PCGF6: variants seen among roughly 807,000 people sequenced by gnomAD.
PCGF6 encodes the protein polycomb group RING finger protein 6.
Under a neutral mutation model 45.5 loss-of-function variants are expected in PCGF6, and 24 were observed. The observed-to-expected ratio is 0.53, with a 90% CI of 0.38 to 0.74. The LOEUF (loss-of-function observed/expected upper bound fraction) is 0.74, where lower values mean the gene tolerates loss of function less well. PCGF6 is among the 30% of genes least tolerant of loss of function. The pLI is 0.00. For synonymous variants in PCGF6, 152 were observed against 162.1 expected (o/e 0.94, Z 0.47); for missense variants, 356 against 443.2 (o/e 0.80, Z 1.77).
intron 9 of PCGF6, among the ~76,000 whole-genome samples, 164 bp from the exon 10 acceptor site, chr10:103,304,125 C>T (rs1477332039): frequency 6.7e-6 from 1 of 148,326 alleles, no homozygotes; most frequent in African/African-American, 2.5e-5. Flanking sequence ...TCACCAAACA[C>T]TCCTTGTGAA....
intron 8 of PCGF6, among the ~76,000 whole-genome samples, chr10:103,317,179 T>G (rs1459715308): frequency 6.6e-6 from 1 of 151,992 alleles, no homozygotes; most frequent in Non-Finnish European, 1.5e-5. Context: ...CTCGGCTAAT[T>G]TTTGTATTTT....
intron 8 of PCGF6, among the ~76,000 whole-genome samples, chr10:103,319,887 C>A (rs896348391): frequency 2.0e-5 from 3 of 152,102 alleles, no homozygotes; most frequent in Non-Finnish European, 4.4e-5. Context: ...CTCACCGCAA[C>A]CTCCACCTCC....
chr10:103,303,327 A>G lies in PCGF6; in HGVS notation c.*578T>C, dbSNP rs1248574492. 6.6e-6 allele frequency: 1 copy of G among 152,356 alleles called. No homozygotes were observed. Among genetic ancestry groups the G allele is most frequent in the Non-Finnish European group, 1.5e-5 (1 of 68,102 alleles). 9.4% of individuals were successfully genotyped at this position (152,356 alleles called of 1,614,324 possible). ...TAAACTCAGAGTCTCTTCACACATA[A>G]TAACAATTCATCCATTTTGAAATGA... On this transcript the variant is annotated 3_prime_UTR_variant, in exon 10 of 10. Transcript: ENST00000369847.
chr10:103,303,439 T>C lies in PCGF6; in HGVS notation c.*466A>G, dbSNP rs1592050187. 1 of 153,348 alleles carries C rather than the reference T, an allele frequency of 6.5e-6. No homozygotes were observed. Among genetic ancestry groups the C allele is most frequent in the Non-Finnish European group, 1.5e-5 (1 of 68,832 alleles). The allele number at this position is 153,348 out of a possible 1,614,324, so 9.5% of individuals were successfully genotyped here. The stretch of plus-strand genomic sequence containing the variant: ...AACATACAAAAGTGGCCAATAGTTT[T>C]GGTCTTTGAGAGTACACCCTGCAGT... On this transcript the variant is annotated 3_prime_UTR_variant, in exon 10 of 10. Coordinates refer to ENST00000369847, the MANE Select transcript of PCGF6 (RefSeq NM_001011663.2).
intron 6 of PCGF6, among the ~76,000 whole-genome samples, 168 bp downstream of exon 6, chr10:103,344,856 C>T (rs972460237): frequency 2.6e-5 from 4 of 152,184 alleles, no homozygotes; most frequent in African/African-American, 9.6e-5. Context: ...AGGCGTGAGC[C>T]ACTGCACCCG....
At chr10:103,321,358 AT>A (rs2093196667) in intron 8 of PCGF6, among the ~76,000 whole-genome samples, 1 of 152,154 alleles carries the variant, frequency 6.6e-6, no homozygotes, top group Admixed American at 6.6e-5. Flanking sequence ...AGAAACCCAC[AT>A]TTTTAGGTAA....
intron 8 of PCGF6, among the ~76,000 whole-genome samples, chr10:103,322,878 C>T: frequency 9.4e-6 from 1 of 106,106 alleles, no homozygotes; most frequent in South Asian, 3.4e-4. Context: ...TCCTTGCCAC[C>T]AAAAAAAAAA....
intron 9 of PCGF6, among the ~76,000 whole-genome samples, chr10:103,310,505 A>G (rs1318251544): frequency 3.3e-5 from 5 of 152,158 alleles, no homozygotes; most frequent in African/African-American, 1.2e-4. Flanking sequence ...TTATGCACAT[A>G]TAACTATGCA....
chr10:103,336,882 C>CA (rs985791562), intron 6 of PCGF6, among the ~76,000 whole-genome samples: 6 of 151,430 alleles, frequency 4.0e-5, no homozygotes, highest in South Asian at 2.1e-4. Context: ...CTCAAAAAAG[C>CA]AAAAAAAATT....
At chr10:103,325,852 TAAAA>T (rs34739627) in intron 8 of PCGF6, among the ~76,000 whole-genome samples, 14 of 135,196 alleles carry the variant, frequency 1.0e-4, no homozygotes, top group Admixed American at 1.5e-4. Context: ...CCGCATCTCT[TAAAA>T]AAAAAAAAAA....
intron 8 of PCGF6, among the ~76,000 whole-genome samples, chr10:103,320,490 C>T (rs969305174): frequency 6.6e-6 from 1 of 152,094 alleles, no homozygotes; most frequent in African/African-American, 2.4e-5. Context: ...AGTTCAAGAC[C>T]AGCCTGGCCA....
intron 7 of PCGF6, among the ~76,000 whole-genome samples, chr10:103,328,209 T>C (rs569323429): frequency 6.6e-6 from 1 of 152,106 alleles, no homozygotes; most frequent in Non-Finnish European, 1.5e-5. Flanking sequence ...AAGCACAAAG[T>C]GTTTTTTTAG....
intron 5 of PCGF6, among the ~76,000 whole-genome samples, chr10:103,346,901 T>C (rs2093301813): frequency 6.6e-6 from 1 of 152,252 alleles, no homozygotes; most frequent in Admixed American, 6.5e-5. Context: ...TGCCAGGCAC[T>C]GTTTTAAGTG....
intron 8 of PCGF6, among the ~76,000 whole-genome samples, chr10:103,317,788 C>T (rs1436974985): frequency 6.6e-6 from 1 of 151,346 alleles, no homozygotes; most frequent in African/African-American, 2.4e-5. Context: ...CAGAGTTTCG[C>T]TCTTGTTGTC....
chr10:103,305,741 T>C, intron 9 of PCGF6, among the ~76,000 whole-genome samples: 1 of 152,142 alleles, frequency 6.6e-6, no homozygotes, highest in Non-Finnish European at 1.5e-5. Flanking sequence ...ATATATGTTT[T>C]ACTTCTGCCT....
intron 9 of PCGF6, among the ~76,000 whole-genome samples, chr10:103,312,070 C>A (rs1305794298): frequency 2.9e-5 from 3 of 102,634 alleles, no homozygotes; most frequent in African/African-American, 4.0e-5. Flanking sequence ...GGTGACAGAG[C>A]AAGACTCTGT....
chr10:103,315,369 T>A (rs1199724681), intron 8 of PCGF6, among the ~76,000 whole-genome samples: 1 of 152,030 alleles, frequency 6.6e-6, no homozygotes, highest in Admixed American at 6.6e-5. Flanking sequence ...GTTTTTTAGT[T>A]CGTTTTTTGA....
chr10:103,325,698 C>G (rs1465848250), intron 8 of PCGF6, among the ~76,000 whole-genome samples: 1 of 152,028 alleles, frequency 6.6e-6, no homozygotes, highest in East Asian at 1.9e-4. Context: ...TTCTATGACA[C>G]TAATAGATTG....
chr10:103,311,066 G>T (rs1204715378), intron 9 of PCGF6, among the ~76,000 whole-genome samples: 1 of 152,108 alleles, frequency 6.6e-6, no homozygotes, highest in Non-Finnish European at 1.5e-5. Context: ...GAACTCCTGG[G>T]GTCAAATGAT....
Sources: gnomAD v4.1 joint callset for allele counts (sites outside exome capture counted in the v4.1 genomes callset) on GRCh38, gnomAD v4.1.1 for gene constraint, MANE v1.5 for transcripts, NCBI Gene and HGNC (gene_info 2026-07-23, HGNC 2026-07-21) for gene names.